Variants in CCDC192 observed in about 807,000 individuals in gnomAD.
CCDC192 encodes the protein coiled-coil domain containing 192, also known as coiled-coil domain-containing protein 192.
chr5:127,753,951 C>A (rs1754408588), intron 2 of CCDC192, among the ~76,000 whole-genome samples: 1 of 152,208 alleles, frequency 6.6e-6, no homozygotes, highest in South Asian at 2.1e-4. Context: ...GTGAAATTTT[C>A]ATCCTAACCT....
At chr5:127,927,778 C>T (rs1753904144) in intron 6 of CCDC192, among the ~76,000 whole-genome samples, 1 of 152,118 alleles carries the variant, frequency 6.6e-6, no homozygotes, top group Non-Finnish European at 1.5e-5. Context: ...TGACATTGCA[C>T]TAAATGAGAT....
chr5:127,759,023 C>T lies in CCDC192; in HGVS notation c.222+4648C>T, dbSNP rs893419908. Among the ~76,000 whole-genome samples the T allele has an allele frequency of 7.2e-5, 11 of 152,342 alleles. No individual in the cohort carries two copies. In the East Asian group the frequency reaches 1.9e-3, roughly 27 times the overall value. On this transcript the variant is annotated intron_variant, in intron 3 of 6. Transcript: ENST00000514853. ...GCAGCAGTGTTAGCCCAGAGTCTCT[C>T]CCATTTATCAATGGCTTCTGGTTCC...
intron 6 of CCDC192, among the ~76,000 whole-genome samples, chr5:127,880,407 T>A (rs1156546665): frequency 7.6e-6 from 1 of 131,756 alleles, no homozygotes; most frequent in Non-Finnish European, 1.5e-5. Flanking sequence ...AACAATGAGA[T>A]CACATGGACA....
chr5:127,820,745 C>A (rs1376745378), intron 5 of CCDC192, among the ~76,000 whole-genome samples: 1 of 151,826 alleles, frequency 6.6e-6, no homozygotes, highest in Non-Finnish European at 1.5e-5. Context: ...TTTGTTTTTA[C>A]AAAAATGTGA....
chr5:127,723,922 C>T (rs1323764377), intron 2 of CCDC192, among the ~76,000 whole-genome samples: 2 of 152,122 alleles, frequency 1.3e-5, no homozygotes, highest in Admixed American at 6.6e-5. Context: ...ATATCAGAGT[C>T]CATTGGTTAT....
intron 2 of CCDC192, among the ~76,000 whole-genome samples, chr5:127,724,609 C>T (rs1316637877): frequency 1.3e-5 from 2 of 151,992 alleles, no homozygotes; most frequent in Middle Eastern, 3.2e-3. Context: ...CCAGCACTTT[C>T]GGAGGCTGAG....
At chr5:127,835,227 T>C (rs1561514702) in intron 5 of CCDC192, among the ~76,000 whole-genome samples, 3 of 152,226 alleles carry the variant, frequency 2.0e-5, no homozygotes, top group African/African-American at 7.2e-5. Context: ...TTATATTTAT[T>C]GAAATTAAAA....
chr5:127,844,753 G>A (rs1750454374), intron 5 of CCDC192, among the ~76,000 whole-genome samples: 1 of 152,212 alleles, frequency 6.6e-6, no homozygotes, highest in African/African-American at 2.4e-5. Flanking sequence ...CCAGCCAACA[G>A]TGCCCTGTCT....
intron 5 of CCDC192, among the ~76,000 whole-genome samples, chr5:127,841,471 AT>A (rs944952269): frequency 6.6e-5 from 10 of 151,602 alleles, no homozygotes; most frequent in African/African-American, 1.9e-4. Context: ...GTGTTTGCCA[AT>A]TTTTTTTTAA....
At chr5:127,864,188 G>C (rs780421320) in intron 5 of CCDC192, among the ~76,000 whole-genome samples, 6 of 152,120 alleles carry the variant, frequency 3.9e-5, no homozygotes, top group Non-Finnish European at 7.3e-5. Context: ...CAGGACCATA[G>C]CAGGAAACTC....
chr5:127,760,920 C>T (rs1754885359), intron 3 of CCDC192, among the ~76,000 whole-genome samples: 1 of 151,820 alleles, frequency 6.6e-6, no homozygotes, highest in Non-Finnish European at 1.5e-5. Flanking sequence ...ATAAATTACC[C>T]GTAATTTGTA....
chr5:127,894,172 C>G (rs1198566365), intron 6 of CCDC192, among the ~76,000 whole-genome samples: 1 of 149,162 alleles, frequency 6.7e-6, no homozygotes, highest in Non-Finnish European at 1.5e-5. Context: ...TGCTCGGATA[C>G]TTTAGTCCTA....
intron 5 of CCDC192, among the ~76,000 whole-genome samples, chr5:127,869,267 C>T (rs1490740982): frequency 2.0e-5 from 3 of 151,958 alleles, no homozygotes; most frequent in Admixed American, 6.6e-5. Context: ...GAGGTTGCAG[C>T]GAGCTGAGAT....
intron 1 of CCDC192, among the ~76,000 whole-genome samples, chr5:127,706,525 G>GAA (rs1224118510): frequency 0.055 from 3,318 of 60,162 alleles, 309 homozygotes; most frequent in East Asian, 0.29. Context: ...CTCCATCTCA[G>GAA]AAAAAAAAAA....
chr5:127,863,688 C>T (rs895510498), intron 5 of CCDC192, among the ~76,000 whole-genome samples: 5 of 152,070 alleles, frequency 3.3e-5, no homozygotes, highest in Non-Finnish European at 7.4e-5. Flanking sequence ...TTAAAATTAA[C>T]ATGGTACATT....
At chr5:127,731,860 G>C (rs1169223621) in intron 2 of CCDC192, among the ~76,000 whole-genome samples, 4 of 152,144 alleles carry the variant, frequency 2.6e-5, no homozygotes, top group Non-Finnish European at 4.4e-5. Flanking sequence ...ATTAGCTCAA[G>C]ATGGATTAAA....
chr5:127,830,060 T>C (rs1749714739), intron 5 of CCDC192, among the ~76,000 whole-genome samples: 1 of 152,220 alleles, frequency 6.6e-6, no homozygotes, highest in Admixed American at 6.5e-5. Context: ...AGAACTGTTT[T>C]TAAAACAGTC....
At chr5:127,755,189 T>C (rs1327359490) in intron 3 of CCDC192, among the ~76,000 whole-genome samples, 1 of 152,186 alleles carries the variant, frequency 6.6e-6, no homozygotes, top group African/African-American at 2.4e-5. Flanking sequence ...TATTAATTTC[T>C]TCTGGATTGA....
intron 2 of CCDC192, among the ~76,000 whole-genome samples, chr5:127,715,395 TG>T (rs1471612624): frequency 1.6e-4 from 24 of 152,186 alleles, no homozygotes; most frequent in Admixed American, 1.4e-3. Context: ...TTCTTCAGTG[TG>T]TATTATTGGC....
Sources: gnomAD v4.1 joint callset for allele counts (sites outside exome capture counted in the v4.1 genomes callset) on GRCh38, gnomAD v4.1.1 for gene constraint, MANE v1.5 for transcripts, NCBI Gene and HGNC (gene_info 2026-07-23, HGNC 2026-07-21) for gene names.